Variants in SDHA observed in about 807,000 individuals in gnomAD.
SDHA encodes the protein succinate dehydrogenase complex flavoprotein subunit A.
Under a neutral mutation model 78.4 loss-of-function variants are expected in SDHA, and 48 were observed. That is an observed-to-expected ratio of 0.61 (90% CI 0.49 to 0.78). The LOEUF is 0.78. Ranked by LOEUF, SDHA falls within the 30% of genes least tolerant of loss-of-function variation. The pLI is 0.00. For missense variants in SDHA, 680 were observed against 892.7 expected, an observed-to-expected ratio of 0.76 and a Z score of 3.04; for synonymous variants, 326 against 353.9, an observed-to-expected ratio of 0.92 and a Z score of 0.88.
chr5:228,883 CA>C (rs1041751979), intron 6 of SDHA, among the ~76,000 whole-genome samples: 22 of 145,716 alleles, frequency 1.5e-4, no homozygotes, highest in Admixed American at 2.1e-4. Flanking sequence ...TCTAAAATAG[CA>C]AAAAAAAAAC....
At chr5:231,212 T>C (rs1331617033) in intron 7 of SDHA, among the ~76,000 whole-genome samples, 4 of 152,304 alleles carry the variant, frequency 2.6e-5, no homozygotes, top group East Asian at 1.9e-4. Context: ...CACCGTCTTA[T>C]GTATTTCTCA....
intron 11 of SDHA, among the ~76,000 whole-genome samples, chr5:246,019 C>T (rs927114671): frequency 6.6e-6 from 1 of 152,146 alleles, no homozygotes; most frequent in Non-Finnish European, 1.5e-5. Context: ...CAGCAATTAA[C>T]AAAAGAAACT....
At position 252,295 on chromosome 5, in the gene SDHA, C is replaced by T. The variant is rs112856488; in HGVS notation, c.1794+827C>T. 1.2e-3 allele frequency among the ~76,000 whole-genome samples: 125 copies of T among 107,966 alleles called. 5 individuals carry two copies. The highest frequency in any genetic ancestry group is 3.2e-3 in the African/African-American group (56 of 17,550). The allele number at this position is 107,966 out of a possible 152,430, so 70.8% of individuals were successfully genotyped here. On this transcript the variant is annotated intron_variant, in intron 13 of 14. Transcript: ENST00000264932. The stretch of plus-strand genomic sequence containing the variant: ...GAGGAAATGCCCGTTTATTAAATAA[C>T]GAGTAAGCCACCGTTTCAAGCCTGC...
intron 1 of SDHA, among the ~76,000 whole-genome samples, chr5:222,726 T>C (rs1364916396): frequency 6.6e-6 from 1 of 152,220 alleles, no homozygotes; most frequent in East Asian, 1.9e-4. Context: ...ATCCCCTAAA[T>C]GGCTGGCCAA....
intron 3 of SDHA, chr5:224,830 A>G: frequency 9.4e-6 from 4 of 427,772 alleles, no homozygotes; most frequent in South Asian, 8.8e-5. Flanking sequence ...GAGATCACCT[A>G]AAGAGGAGGA....
At chr5:225,720 A>G (rs1734977764) in intron 4 of SDHA, 158 bp downstream of exon 4, 2 of 1,327,870 alleles carry the variant, frequency 1.5e-6, no homozygotes, top group Non-Finnish European at 2.1e-6. Context: ...ACTATGCATT[A>G]TATGTAACAA....
At chr5:245,695 G>A (rs1684954765) in intron 11 of SDHA, among the ~76,000 whole-genome samples, 1 of 152,194 alleles carries the variant, frequency 6.6e-6, no homozygotes, top group Admixed American at 6.5e-5. Context: ...GGGAACCTTA[G>A]TAAATGACAT....
At chr5:218,527 C>T (rs1000324545) in intron 1 of SDHA, 109 bp downstream of exon 1, 181 of 866,222 alleles carry the variant, frequency 2.1e-4, no homozygotes, top group Non-Finnish European at 2.6e-4. Context: ...TCCCTGCGCC[C>T]TCTGTCCCGG....
At chr5:258,018 C>T (rs1177869139), downstream of SDHA, among the ~76,000 whole-genome samples, 1 of 22,172 alleles carries the variant, frequency 4.5e-5, no homozygotes, top group Non-Finnish European at 9.7e-5. Context: ...GCTCCACCCC[C>T]TGCCAGAGCA....
At chr5:237,468 T>C (rs13160257) in intron 10 of SDHA, among the ~76,000 whole-genome samples, 84,716 of 130,330 alleles carry the variant, frequency 0.65, 32,718 homozygotes, top group Non-Finnish European at 0.72. Context: ...GGAAATACCA[T>C]GTGTGGGAGT....
intron 13 of SDHA, among the ~76,000 whole-genome samples, chr5:253,439 A>G (rs1483516046): frequency 6.6e-6 from 1 of 152,036 alleles, no homozygotes; most frequent in Non-Finnish European, 1.5e-5. Flanking sequence ...TAAATTTATT[A>G]TTTTTATTTT....
the SDHA span, among the ~76,000 whole-genome samples, chr5:265,149 T>C: frequency 6.6e-6 from 1 of 152,180 alleles, no homozygotes; most frequent in African/African-American, 2.4e-5. Flanking sequence ...GAGGTTGCAG[T>C]GAGCCTAGAT....
At chr5:259,451 C>T (rs1215519929), downstream of SDHA, among the ~76,000 whole-genome samples, 2 of 37,150 alleles carry the variant, frequency 5.4e-5, no homozygotes, top group African/African-American at 1.8e-4. Context: ...AGAGCATTAC[C>T]GTGTGAGCTC....
rs1737217851 is a variant in SDHA at position 256,650 on chromosome 5, G to A, written c.*230G>A. On this transcript the variant is annotated 3_prime_UTR_variant, in exon 15 of 15. Coordinates refer to ENST00000264932, the MANE Select transcript of SDHA (RefSeq NM_004168.4). ...CATTCTTGTGAGATGATAAAACTGG[G>A]CACAGCTCTTAAATAAAATATAAAT... 1 of 530,488 alleles carries A rather than the reference G, an allele frequency of 1.9e-6. No homozygotes were observed. The highest frequency in any genetic ancestry group is 3.4e-6 in the Non-Finnish European group (1 of 298,090). 32.9% of individuals were successfully genotyped at this position (530,488 alleles called of 1,614,324 possible).
At chr5:225,222 T>G (rs1236476033) in intron 3 of SDHA, among the ~76,000 whole-genome samples, 197 bp from the exon 4 acceptor site, 3 of 152,050 alleles carry the variant, frequency 2.0e-5, no homozygotes, top group Admixed American at 2.0e-4. Flanking sequence ...AAGGATGGAA[T>G]CACTGGGCGA....
At position 229,682 on chromosome 5, in the gene SDHA, T is replaced by TAGTTAACATTATACAGCATGGTGGCCAG. The variant is rs1420565733; in HGVS notation, c.771-1168_771-1141dup. ...GGTCTAATATACAACATGGTGGCTATAGTTAACATTATACAGCATGGTGGC... is the reference window on the plus strand; with the variant it reads ...GGTCTAATATACAACATGGTGGCTATAGTTAACATTATACAGCATGGTGGCCAGAGTTAACATTATACAGCATGGTGGC... On this transcript the variant is annotated intron_variant, in intron 6 of 14. Coordinates refer to ENST00000264932, the MANE Select transcript of SDHA (RefSeq NM_004168.4). 2.4e-3 allele frequency among the ~76,000 whole-genome samples: 369 copies of TAGTTAACATTATACAGCATGGTGGCCAG among 150,920 alleles called. 3 individuals carry two copies. Among genetic ancestry groups the TAGTTAACATTATACAGCATGGTGGCCAG allele is most frequent in the African/African-American group, 8.4e-3 (344 of 40,828 alleles).
intron 13 of SDHA, chr5:253,180 C>G (rs555315185): frequency 3.3e-5 from 5 of 152,232 alleles, no homozygotes; most frequent in Non-Finnish European, 5.9e-5. Flanking sequence ...AGGACAAAGG[C>G]TCCACAAGGC....
chr5:264,521 C>T, the SDHA span, among the ~76,000 whole-genome samples: 11 of 136,254 alleles, frequency 8.1e-5, no homozygotes, highest in African/African-American at 2.5e-4. Context: ...TGGTCAATTC[C>T]GGGCACCCCG....
intron 6 of SDHA, among the ~76,000 whole-genome samples, chr5:229,601 G>C (rs762196277): frequency 1.3e-5 from 2 of 152,250 alleles, no homozygotes; most frequent in Non-Finnish European, 2.9e-5. Flanking sequence ...GGGGAATGCA[G>C]ACTGTGGCGA....
Sources: gnomAD v4.1 joint callset for allele counts (sites outside exome capture counted in the v4.1 genomes callset) on GRCh38, gnomAD v4.1.1 for gene constraint, MANE v1.5 for transcripts, NCBI Gene and HGNC (gene_info 2026-07-23, HGNC 2026-07-21) for gene names.